HECTD4: variants seen among roughly 807,000 people sequenced by gnomAD.
HECTD4 encodes probable E3 ubiquitin-protein ligase HECTD4.
HECTD4 carries 114 observed loss-of-function variants against 471.5 expected under a neutral mutation model. The ratio of observed to expected loss-of-function variants is 0.24; its 90% CI spans 0.21 to 0.28. HECTD4 has a LOEUF of 0.28. Among genes scored for constraint, HECTD4 ranks in the 10% least tolerant of loss-of-function variants. HECTD4 has a pLI of 1.00. For synonymous variants in HECTD4, 2,012 were observed against 2,256.0 expected (o/e 0.89, Z 3.07); for missense variants, 3,866 against 5,651.5 (o/e 0.68, Z 10.13).
At chr12:112,366,374 G>A (rs2036558413) in intron 1 of HECTD4, among the ~76,000 whole-genome samples, 1 of 151,886 alleles carries the variant, frequency 6.6e-6, no homozygotes, top group African/African-American at 2.4e-5. Flanking sequence ...TAAAAAATTA[G>A]TAAGGCATGG....
rs2030989523 is a variant in HECTD4, at chr12:112,166,920, T to G, written c.12534+397A>C. 1 of 168,258 alleles carries G rather than the reference T, an allele frequency of 5.9e-6. No individual in the cohort carries two copies. The highest frequency in any genetic ancestry group is 6.1e-5 in the Admixed American group (1 of 16,298). 10.4% of individuals were successfully genotyped at this position (168,258 alleles called of 1,614,324 possible). On this transcript the variant is annotated intron_variant, in intron 72 of 75. Coordinates refer to ENST00000682272, the MANE Select transcript of HECTD4 (RefSeq NM_001388303.1). The surrounding 1 kb of genome is among the most constrained non-coding windows in gnomAD (Gnocchi z 4.6). ...GCAGGAAGGGCTCCATCCTGATGCC[T>G]CCCCCTTGGTGGACCTCAGGTGGTC...
Position 112,319,566 on chromosome 12 carries a change from T to C in HECTD4, c.354A>G (p.Ser118=). The C allele has an allele frequency of 2.1e-6, 3 of 1,434,912 alleles. No homozygotes were observed. The highest frequency in any genetic ancestry group is 2.7e-6 in the Non-Finnish European group (3 of 1,099,530). The allele number at this position is 1,434,912 out of a possible 1,614,324, so 88.9% of individuals were successfully genotyped here. The change falls in exon 2 of 76, where the codon TCA becomes TCG. Residue 118 remains serine, a synonymous_variant. Transcript: ENST00000682272. The surrounding 1 kb of genome is among the most constrained non-coding windows in gnomAD (Gnocchi z 5.3). ...ALEEQHERES[S]GDEETLALLK... ...GCAGGGCCAAAGTTTCCTCATCACC[T>C]GAACTTTCCCTTTCATGCTGTTCTT...
chr12:112,382,328 G>A lies in HECTD4; in HGVS notation c.-200C>T, dbSNP rs2036912451. 4.6e-6 allele frequency: 1 copy of A among 218,114 alleles called. No homozygotes were observed. The highest frequency in any genetic ancestry group is 7.3e-6 in the Non-Finnish European group (1 of 137,052). The allele number at this position is 218,114 out of a possible 1,614,324, so 13.5% of individuals were successfully genotyped here. A position where few individuals can be genotyped will look rare whatever the true frequency, so the allele number is the denominator to read the frequency against. ...CCCCGGCCCGGGAGACCCCGGCCCTGCCGCCGCCGCCGCCGCCGCCGCCGC... is the reference window on the plus strand; with the variant it reads ...CCCCGGCCCGGGAGACCCCGGCCCTACCGCCGCCGCCGCCGCCGCCGCCGC... On this transcript the variant is annotated 5_prime_UTR_variant, in exon 1 of 76. Coordinates refer to ENST00000682272, the MANE Select transcript of HECTD4 (RefSeq NM_001388303.1).
intron 49 of HECTD4, among the ~76,000 whole-genome samples, chr12:112,211,348 G>A (rs1033890236): frequency 3.9e-5 from 6 of 152,162 alleles, no homozygotes; most frequent in Middle Eastern, 3.4e-3. Flanking sequence ...CCAGAGCAGC[G>A]GGGACTACTC....
In HECTD4 at chr12:112,360,941, G is replaced by A. The variant is rs554895106; in HGVS notation, c.177+21011C>T. Among the ~76,000 whole-genome samples, 8 of 148,768 alleles carry A rather than the reference G, an allele frequency of 5.4e-5. No individual in the cohort carries two copies. The East Asian group carries it at 9.9e-4, about 18-fold the overall frequency. On this transcript the variant is annotated intron_variant, in intron 1 of 75. Coordinates refer to ENST00000682272, the MANE Select transcript of HECTD4 (RefSeq NM_001388303.1). ...ACAGGTTGCAGTGAGCTGAGATCGCGCCATTGCACTCCAGCCTGGTGAACA... is the reference window on the plus strand; with the variant it reads ...ACAGGTTGCAGTGAGCTGAGATCGCACCATTGCACTCCAGCCTGGTGAACA...
chr12:112,220,828 G>A (rs1238465292), intron 44 of HECTD4, among the ~76,000 whole-genome samples: 1 of 151,372 alleles, frequency 6.6e-6, no homozygotes, highest in Non-Finnish European at 1.5e-5. Context: ...AGAAGCACCT[G>A]CCCTGGCCCT....
chr12:112,171,245 A>T lies in HECTD4; in HGVS notation c.11804T>A (p.Leu3935Gln), dbSNP rs1462200460. 6.2e-7 allele frequency: 1 copy of T among 1,608,310 alleles called. No homozygotes were observed. The highest frequency in any genetic ancestry group is 1.7e-5 in the Admixed American group (1 of 58,970). The change falls in exon 68 of 76, where the codon CTG becomes CAG. Residue 3935 changes from leucine to glutamine, a missense_variant. By Grantham distance (113) the Leu-to-Gln change is moderately radical (BLOSUM62 -2). Coordinates refer to ENST00000682272, the MANE Select transcript of HECTD4 (RefSeq NM_001388303.1). Reference protein sequence around the residue: ...ACLLNVPIESLRLRFALLQSL... With the variant: ...ACLLNVPIESQRLRFALLQSL... ...CTGCAGCAAGGCGAAGCGCAGGCGC[A>T]GGCTCTCGATGGGCACGTCTGAGGG...
Position 112,163,276 on chromosome 12 carries a change from A to T in HECTD4, c.12898-12T>A. The T allele has an allele frequency of 6.2e-7, 1 of 1,605,920 alleles. No individual in the cohort carries two copies. The highest frequency in any genetic ancestry group is 8.5e-7 in the Non-Finnish European group (1 of 1,174,464). On this transcript the variant is annotated splice_polypyrimidine_tract_variant and intron_variant, in intron 74 of 75. Coordinates refer to ENST00000682272, the MANE Select transcript of HECTD4 (RefSeq NM_001388303.1). This position sits in a 1 kb window ranked among gnomAD's most constrained non-coding sequence, Gnocchi z 8.2. ...TACATGGTGTGGGCCTGGGGAGGAGAGGTCCAGGTGTCAGGAGCCCTGGAG... is the reference window on the plus strand; with the variant it reads ...TACATGGTGTGGGCCTGGGGAGGAGTGGTCCAGGTGTCAGGAGCCCTGGAG...
intron 7 of HECTD4, among the ~76,000 whole-genome samples, chr12:112,304,928 GTGTTTT>G (rs1420923435): frequency 2.0e-5 from 3 of 152,114 alleles, no homozygotes; most frequent in Admixed American, 6.6e-5. Context: ...AATTGCTTCG[GTGTTTT>G]TGTTTTTGTT....
chr12:112,205,605 T>C (rs183398950), intron 52 of HECTD4, among the ~76,000 whole-genome samples: 1 of 152,200 alleles, frequency 6.6e-6, no homozygotes, highest in East Asian at 1.9e-4. Flanking sequence ...TTTTCTTTTT[T>C]TTTTGAGACA....
At chr12:112,287,976 T>C (rs1008973694) in intron 7 of HECTD4, among the ~76,000 whole-genome samples, 4 of 151,978 alleles carry the variant, frequency 2.6e-5, no homozygotes, top group Non-Finnish European at 5.9e-5. Flanking sequence ...TGCCCTTGTA[T>C]AGTCCCCGTC....
intron 7 of HECTD4, among the ~76,000 whole-genome samples, chr12:112,296,412 ATGTAGGTGCAGAGGG>A (rs1385596574): frequency 2.1e-5 from 3 of 142,974 alleles, no homozygotes; most frequent in Admixed American, 6.9e-5. Context: ...GGTGCAGAGG[ATGTAGGTGCAGAGGG>A]TGTAGGTGCA....
Position 112,235,435 on chromosome 12 carries a change from C to G in HECTD4, c.5725+69G>C. The G allele has an allele frequency of 6.5e-7, 1 of 1,532,988 alleles. No homozygotes were observed. Among genetic ancestry groups the G allele is most frequent in the African/African-American group, 1.4e-5 (1 of 72,726 alleles). 95.0% of individuals were successfully genotyped at this position (1,532,988 alleles called of 1,614,324 possible). ...TCTTTCATCATAGGAAGCACAGATG[C>G]AAGGGGGACCTGACTGGGCACAGGA... On this transcript the variant is annotated intron_variant, in intron 36 of 75. Coordinates refer to ENST00000682272, the MANE Select transcript of HECTD4 (RefSeq NM_001388303.1). The surrounding 1 kb of genome is among the most constrained non-coding windows in gnomAD (Gnocchi z 5.0).
In HECTD4 at chr12:112,319,358, G is replaced by A. The variant is rs1219812775; in HGVS notation, c.562C>T (p.Pro188Ser). Reference protein sequence around the residue: ...DCQPLSLTKEPADCLNGIETL... With the variant: ...DCQPLSLTKESADCLNGIETL... The stretch of plus-strand genomic sequence containing the variant: ...TCAATTCCATTGAGACAGTCAGCAG[G>A]CTCCTTGGTCAAGCTCAAAGGCTGG... The change falls in exon 2 of 76, where the codon CCT becomes TCT. Residue 188 changes from proline (P) to serine (S), a missense_variant. Pro to Ser is a moderately conservative substitution (Grantham distance 74). Coordinates refer to ENST00000682272, the MANE Select transcript of HECTD4 (RefSeq NM_001388303.1). This position sits in a 1 kb window ranked among gnomAD's most constrained non-coding sequence, Gnocchi z 5.3. 1 of 1,536,136 alleles carries A rather than the reference G, an allele frequency of 6.5e-7. No homozygotes were observed. The highest frequency in any genetic ancestry group is 1.2e-5 in the South Asian group (1 of 84,062).
chr12:112,233,306 C>T (rs1311034654), intron 37 of HECTD4, among the ~76,000 whole-genome samples: 9 of 148,902 alleles, frequency 6.0e-5, no homozygotes, highest in East Asian at 2.0e-4. Context: ...ACTGCAGCCT[C>T]GATCTCCCTA....
At chr12:112,317,792 A>G (rs1169985332) in intron 2 of HECTD4, among the ~76,000 whole-genome samples, 1 of 152,040 alleles carries the variant, frequency 6.6e-6, no homozygotes, top group Non-Finnish European at 1.5e-5. Context: ...CAGCCTGGGC[A>G]ACAAGGGGAA....
intron 41 of HECTD4, among the ~76,000 whole-genome samples, chr12:112,229,060 C>T (rs1250604976): frequency 2.0e-5 from 3 of 152,134 alleles, no homozygotes; most frequent in African/African-American, 7.2e-5. Context: ...GGTGTGGTGG[C>T]TCATGCCTGT....
intron 7 of HECTD4, among the ~76,000 whole-genome samples, chr12:112,295,211 A>G (rs2034981324): frequency 6.6e-6 from 1 of 152,092 alleles, no homozygotes; most frequent in Non-Finnish European, 1.5e-5. Context: ...GAGACGGTCA[A>G]TAAATAAGCA....
In HECTD4 at chr12:112,193,808, T is replaced by C; in HGVS notation, c.8750-134A>G. The C allele has an allele frequency of 2.7e-6, 2 of 749,260 alleles. No homozygotes were observed. The highest frequency in any genetic ancestry group is 1.7e-5 in the South Asian group (1 of 59,372). 46.4% of individuals were successfully genotyped at this position (749,260 alleles called of 1,614,324 possible). A position where few individuals can be genotyped will look rare whatever the true frequency, so the allele number is the denominator to read the frequency against. On this transcript the variant is annotated intron_variant, in intron 56 of 75. Coordinates refer to ENST00000682272, the MANE Select transcript of HECTD4 (RefSeq NM_001388303.1). The surrounding 1 kb of genome is among the most constrained non-coding windows in gnomAD (Gnocchi z 5.2). ...GTTATCCTGGATATGATGTCCTGGA[T>C]AACAGATGCCGGCAATCAGATCCTC...
Sources: gnomAD v4.1 joint callset for allele counts (sites outside exome capture counted in the v4.1 genomes callset) on GRCh38, gnomAD v4.1.1 for gene constraint, Gnocchi (gnomAD v3.1) non-coding constraint, MANE v1.5 for transcripts, NCBI Gene and HGNC (gene_info 2026-07-23, HGNC 2026-07-21) for gene names.